The following LARGE1 variants were observed in gnomAD, a reference collection of about 807,000 sequenced individuals.
LARGE1 encodes xylosyl- and glucuronyltransferase LARGE1.
Under a neutral mutation model 87.6 loss-of-function variants are expected in LARGE1, and 43 were observed. That is an observed-to-expected ratio of 0.49 (90% CI 0.38 to 0.63). The LOEUF (loss-of-function observed/expected upper bound fraction) is 0.63, where lower values mean the gene tolerates loss of function less well. Among genes scored for constraint, LARGE1 ranks in the 30% least tolerant of loss-of-function variants. LARGE1 has a pLI of 0.00. For synonymous variants in LARGE1, 434 were observed against 394.6 expected (o/e 1.10, Z -1.18); for missense variants, 802 against 1,000.2 (o/e 0.80, Z 2.67).
intron 9 of LARGE1, among the ~76,000 whole-genome samples, chr22:33,362,303 A>G (rs2146905647): frequency 1.3e-5 from 2 of 149,722 alleles, no homozygotes; most frequent in Admixed American, 1.3e-4. Flanking sequence ...TGGGGCAAAG[A>G]ATAATGGCCT....
intron 1 of LARGE1, among the ~76,000 whole-genome samples, chr22:33,904,193 T>G (rs2065367509): frequency 6.6e-6 from 1 of 152,068 alleles, no homozygotes; most frequent in African/African-American, 2.4e-5. Context: ...GGGCTTTCTT[T>G]TGAGATGGAG....
chr22:33,419,436 C>G (rs1046441814), intron 7 of LARGE1, among the ~76,000 whole-genome samples: 5 of 151,878 alleles, frequency 3.3e-5, no homozygotes, highest in Non-Finnish European at 7.4e-5. Context: ...ACACGATCAC[C>G]CAAGTACACG....
chr22:33,688,879 C>G (rs2082017222), intron 2 of LARGE1, among the ~76,000 whole-genome samples: 1 of 151,998 alleles, frequency 6.6e-6, no homozygotes, highest in Non-Finnish European at 1.5e-5. Flanking sequence ...CTGATTGGTC[C>G]CAGTGGGCCC....
intron 6 of LARGE1, among the ~76,000 whole-genome samples, chr22:33,497,277 A>T (rs894914656): frequency 1.3e-5 from 2 of 151,986 alleles, no homozygotes; most frequent in African/African-American, 4.8e-5. Flanking sequence ...GGTTTCACTA[A>T]GTTGGCAAGG....
intron 1 of LARGE1, among the ~76,000 whole-genome samples, chr22:33,855,433 C>T (rs563800853): frequency 2.0e-5 from 3 of 152,180 alleles, no homozygotes; most frequent in Admixed American, 6.5e-5. Context: ...ATTTGCTAGC[C>T]ACTCCATGTG....
chr22:33,655,856 T>A (rs998324703), intron 2 of LARGE1, among the ~76,000 whole-genome samples: 1 of 152,136 alleles, frequency 6.6e-6, no homozygotes, highest in Non-Finnish European at 1.5e-5. Flanking sequence ...CATTATAATA[T>A]TAGATGCTGG....
chr22:33,736,909 C>A (rs2083675715), intron 2 of LARGE1, among the ~76,000 whole-genome samples: 1 of 152,150 alleles, frequency 6.6e-6, no homozygotes, highest in Non-Finnish European at 1.5e-5. Context: ...TTGCCATGGT[C>A]ACAAAAGGAG....
At chr22:33,262,379 T>G (rs1288714333) in intron 11 of LARGE1, among the ~76,000 whole-genome samples, 4 of 152,176 alleles carry the variant, frequency 2.6e-5, no homozygotes, top group Non-Finnish European at 4.4e-5. Context: ...GAAAGCCCCA[T>G]AGCCAGTCAT....
At chr22:33,640,848 G>A (rs1314604397) in intron 3 of LARGE1, among the ~76,000 whole-genome samples, 1 of 152,194 alleles carries the variant, frequency 6.6e-6, no homozygotes, top group African/African-American at 2.4e-5. Context: ...AGCACCTGGG[G>A]CCAGACTGTC....
intron 2 of LARGE1, among the ~76,000 whole-genome samples, chr22:33,689,900 C>T (rs2082049281): frequency 6.6e-6 from 1 of 151,724 alleles, no homozygotes; most frequent in Admixed American, 6.6e-5. Flanking sequence ...GCACTCCAGC[C>T]TGGGTGACAG....
chr22:33,919,251 A>G (rs1178853098), intron 1 of LARGE1, among the ~76,000 whole-genome samples: 1 of 152,238 alleles, frequency 6.6e-6, no homozygotes, highest in Non-Finnish European at 1.5e-5. Flanking sequence ...TAAATTTCAA[A>G]CAGGCAAGGA....
intron 8 of LARGE1, among the ~76,000 whole-genome samples, chr22:33,383,297 T>C (rs1569113466): frequency 1.3e-5 from 2 of 152,180 alleles, no homozygotes; most frequent in Admixed American, 1.3e-4. Flanking sequence ...CAGAGACTCA[T>C]GCCTGTAATC....
chr22:33,228,576 A>G (rs1925850600), intron 11 of LARGE1, among the ~76,000 whole-genome samples: 1 of 152,390 alleles, frequency 6.6e-6, no homozygotes, highest in South Asian at 2.1e-4. Context: ...CCTTAGTACC[A>G]TAAATATTGG....
intron 1 of LARGE1, among the ~76,000 whole-genome samples, chr22:33,824,393 G>C (rs956017320): frequency 2.6e-5 from 4 of 152,162 alleles, no homozygotes; most frequent in Admixed American, 6.5e-5. Context: ...AGAGCAAAAG[G>C]GGAAATGCTA....
chr22:33,509,856 C>T (rs746525168), intron 6 of LARGE1, among the ~76,000 whole-genome samples: 2 of 152,134 alleles, frequency 1.3e-5, no homozygotes, highest in Non-Finnish European at 2.9e-5. Context: ...AGAAATGAAT[C>T]GCAGAGAGTG....
chr22:33,305,467 G>T, intron 11 of LARGE1: 2 of 379,176 alleles, frequency 5.3e-6, no homozygotes, highest in African/African-American at 2.2e-5. Flanking sequence ...GGCGTTAGAA[G>T]CGTCTGGTAC....
chr22:33,520,907 A>G (rs952298058), intron 6 of LARGE1, among the ~76,000 whole-genome samples: 1 of 152,228 alleles, frequency 6.6e-6, no homozygotes, highest in South Asian at 2.1e-4. Context: ...ACCTGAAATC[A>G]ATGTATCTAT....
chr22:33,132,220 G>A, the LARGE1 span, among the ~76,000 whole-genome samples: 269 of 152,152 alleles, frequency 1.8e-3, 2 homozygotes, highest in Non-Finnish European at 3.0e-3. Context: ...ATCTCACTCT[G>A]TCACCCAGGC....
intron 6 of LARGE1, among the ~76,000 whole-genome samples, chr22:33,454,544 G>A (rs984339361): frequency 5.3e-5 from 8 of 151,532 alleles, no homozygotes; most frequent in African/African-American, 7.3e-5. Context: ...GCTTGAATCC[G>A]GGAGGCGGAG....
Sources: allele counts gnomAD v4.1 joint callset (sites outside exome capture counted in the v4.1 genomes callset), GRCh38; gene constraint gnomAD v4.1.1; transcripts MANE v1.5; gene names NCBI Gene and HGNC (gene_info 2026-07-23, HGNC 2026-07-21).